ADAMTSL1: variants seen among roughly 807,000 people sequenced by gnomAD.
The protein encoded by ADAMTSL1 is ADAMTS like 1.
Under a neutral mutation model 201.8 loss-of-function variants are expected in ADAMTSL1, and 126 were observed. That is an observed-to-expected ratio of 0.62 (90% CI 0.54 to 0.72). The LOEUF is 0.72. Ranked by LOEUF, ADAMTSL1 falls within the 30% of genes least tolerant of loss-of-function variation. The pLI is 0.00. For synonymous variants in ADAMTSL1, 1,121 were observed against 903.4 expected, an observed-to-expected ratio of 1.24 and a Z score of -4.32; for missense variants, 2,679 against 2,277.8, an observed-to-expected ratio of 1.18 and a Z score of -3.59.
At chr9:18,156,819 A>G (rs987739140) in intron 1 of ADAMTSL1, among the ~76,000 whole-genome samples, 8 of 152,098 alleles carry the variant, frequency 5.3e-5, no homozygotes, top group African/African-American at 1.9e-4. Flanking sequence ...GTTATCAGCA[A>G]TGCTTTCTGA....
intron 1 of ADAMTSL1, among the ~76,000 whole-genome samples, chr9:18,112,431 T>C (rs1825063959): frequency 6.6e-6 from 1 of 152,032 alleles, no homozygotes; most frequent in Admixed American, 6.6e-5. Context: ...TTCGAGGGGC[T>C]GAGACTCAGT....
At chr9:18,283,916 TAA>T (rs71333034) in intron 2 of ADAMTSL1, among the ~76,000 whole-genome samples, 5 of 26,604 alleles carry the variant, frequency 1.9e-4, no homozygotes, top group Non-Finnish European at 2.2e-4. Flanking sequence ...AGACTCCGTC[TAA>T]AAAAAAAAAA....
intron 23 of ADAMTSL1, among the ~76,000 whole-genome samples, chr9:18,876,656 C>T (rs1828180125): frequency 6.6e-6 from 1 of 152,106 alleles, no homozygotes; most frequent in African/African-American, 2.4e-5. Flanking sequence ...TATGGGTTAC[C>T]TGATACTTTT....
chr9:18,461,398 C>T (rs1820801346), intron 2 of ADAMTSL1, among the ~76,000 whole-genome samples: 1 of 151,922 alleles, frequency 6.6e-6, no homozygotes, highest in South Asian at 2.1e-4. Context: ...TTATGGTTTA[C>T]ACATGTTTGA....
intron 2 of ADAMTSL1, among the ~76,000 whole-genome samples, chr9:18,529,410 A>G (rs1212362003): frequency 6.6e-6 from 1 of 152,046 alleles, no homozygotes; most frequent in Non-Finnish European, 1.5e-5. Context: ...TCCTTTTCTT[A>G]TTGTTTGATA....
intron 2 of ADAMTSL1, among the ~76,000 whole-genome samples, chr9:18,410,379 C>A (rs577207402): frequency 6.6e-6 from 1 of 152,116 alleles, no homozygotes; most frequent in Admixed American, 6.5e-5. Context: ...TCCCACCCCC[C>A]ACAGCCCCCA....
intron 1 of ADAMTSL1, among the ~76,000 whole-genome samples, chr9:18,021,267 C>T (rs1757121871): frequency 6.6e-6 from 1 of 152,110 alleles, no homozygotes; most frequent in Admixed American, 6.5e-5. Flanking sequence ...CACAGCAAAT[C>T]TTTATGTTAA....
intron 23 of ADAMTSL1, among the ~76,000 whole-genome samples, chr9:18,837,526 T>A (rs1378578417): frequency 6.6e-6 from 1 of 152,254 alleles, no homozygotes; most frequent in Non-Finnish European, 1.5e-5. Flanking sequence ...ACAGATACTA[T>A]TCCCTACCCT....
intron 23 of ADAMTSL1, among the ~76,000 whole-genome samples, chr9:18,852,092 C>T (rs896131021): frequency 6.6e-6 from 1 of 152,218 alleles, no homozygotes; most frequent in Non-Finnish European, 1.5e-5. Flanking sequence ...CCTACTCCAA[C>T]AAATCCATCT....
At chr9:18,493,136 A>G (rs1822347781) in intron 1 of ADAMTSL1, among the ~76,000 whole-genome samples, 2 of 152,130 alleles carry the variant, frequency 1.3e-5, no homozygotes, top group Admixed American at 1.3e-4. Context: ...TGAGAGCTCT[A>G]TTACTTGAAT....
At position 18,536,266 on chromosome 9, in the gene ADAMTSL1, A is replaced by C. The variant is rs554969756; in HGVS notation, c.237+2974A>C. ...GGAAAAACTTGAGAGTCTCTTAGCT[A>C]AATCTCCACGGTCATCTTTAATCCC... On this transcript the variant is annotated intron_variant, in intron 3 of 28. Coordinates refer to ENST00000380548, the MANE Select transcript of ADAMTSL1 (RefSeq NM_001040272.6). 3.9e-5 allele frequency among the ~76,000 whole-genome samples: 6 copies of C among 152,278 alleles called. No homozygotes were observed. In the South Asian group the frequency reaches 1.2e-3, roughly 32 times the overall value.
intron 14 of ADAMTSL1, 49 bp downstream of exon 14, chr9:18,707,097 T>G (rs769618034): frequency 6.3e-7 from 1 of 1,575,870 alleles, no homozygotes. Flanking sequence ...CTTGCTCATT[T>G]TCTCTCTCTG....
chr9:18,672,121 G>C (rs1050068964), intron 9 of ADAMTSL1, among the ~76,000 whole-genome samples: 1 of 151,466 alleles, frequency 6.6e-6, no homozygotes, highest in African/African-American at 2.4e-5. Context: ...GATTTTTCTT[G>C]TAGAGAGAGA....
intron 1 of ADAMTSL1, among the ~76,000 whole-genome samples, chr9:17,914,218 A>C (rs1458709377): frequency 1.3e-5 from 2 of 152,186 alleles, no homozygotes; most frequent in Non-Finnish European, 2.9e-5. Context: ...GACACAACCA[A>C]AAAAGAGAAT....
At chr9:18,509,569 C>A (rs578165133) in intron 2 of ADAMTSL1, among the ~76,000 whole-genome samples, 18 of 152,320 alleles carry the variant, frequency 1.2e-4, no homozygotes, top group Admixed American at 7.2e-4. Flanking sequence ...CTGGCTTCAT[C>A]TGGTTCAACT....
At chr9:18,249,658 T>C (rs1831389952) in intron 2 of ADAMTSL1, among the ~76,000 whole-genome samples, 2 of 152,246 alleles carry the variant, frequency 1.3e-5, no homozygotes, top group Admixed American at 6.5e-5. Context: ...TATGTGGCAT[T>C]GCTAAGGCCC....
chr9:18,892,553 A>T lies in ADAMTSL1; in HGVS notation c.4808A>T (p.Asn1603Ile). The T allele has an allele frequency of 6.3e-7, 1 of 1,578,198 alleles. No individual in the cohort carries two copies. The stretch of plus-strand genomic sequence containing the variant: ...CGGCCTGTGGACACCCAGGCCTGTA[A>T]CCAGCAGCTGTGTGTGGAGTGGGCC... ...AKRPVDTQAC[N>I]QQLCVEWAFS... The change falls in exon 26 of 29, where the codon AAC (asparagine) becomes ATC (isoleucine). Residue 1603 changes from asparagine to isoleucine, a missense_variant. By Grantham distance (149) the Asn-to-Ile change is moderately radical. Coordinates refer to ENST00000380548, the MANE Select transcript of ADAMTSL1 (RefSeq NM_001040272.6).
At position 18,736,689 on chromosome 9, in the gene ADAMTSL1, G is replaced by A. The variant is rs1386640755; in HGVS notation, c.2006+15024G>A. On this transcript the variant is annotated intron_variant, in intron 15 of 28. Coordinates refer to ENST00000380548, the MANE Select transcript of ADAMTSL1 (RefSeq NM_001040272.6). ...TTGTGTGTTTGTATGTGTGTAGAAA[G>A]TGGTCCCATGGATTATATTCCTTTC... Among the ~76,000 whole-genome samples the A allele has an allele frequency of 2.0e-5, 3 of 152,146 alleles. No homozygotes were observed. The East Asian group carries it at 5.8e-4, about 29-fold the overall frequency.
intron 20 of ADAMTSL1, among the ~76,000 whole-genome samples, chr9:18,813,423 C>A (rs1405364614): frequency 1.3e-5 from 2 of 152,190 alleles, no homozygotes; most frequent in African/African-American, 2.4e-5. Context: ...ACAGTATGGA[C>A]ATTTGAACAA....
Sources: allele counts gnomAD v4.1 joint callset (sites outside exome capture counted in the v4.1 genomes callset), GRCh38; gene constraint gnomAD v4.1.1; transcripts MANE v1.5; gene names NCBI Gene and HGNC (gene_info 2026-07-23, HGNC 2026-07-21).